GRIN2D: variants seen among roughly 807,000 people sequenced by gnomAD.
The protein encoded by GRIN2D is glutamate ionotropic receptor NMDA type subunit 2D.
A neutral mutation model predicts 103.2 loss-of-function variants in GRIN2D; 37 were observed. The ratio of observed to expected loss-of-function variants is 0.36; its 90% CI spans 0.28 to 0.47. The LOEUF (loss-of-function observed/expected upper bound fraction) is 0.47. Ranked by LOEUF, GRIN2D falls within the 20% of genes least tolerant of loss-of-function variation. GRIN2D has a pLI of 1.00. For missense variants in GRIN2D, 1,557 were observed against 1,910.6 expected, an observed-to-expected ratio of 0.81 and a Z score of 3.45; for synonymous variants, 845 against 885.6, an observed-to-expected ratio of 0.95 and a Z score of 0.81.
Position 48,442,470 on chromosome 19 carries a change from G to C in GRIN2D, c.2673+88G>C. 1 of 1,536,974 alleles carries C rather than the reference G, an allele frequency of 6.5e-7. No individual in the cohort carries two copies. Among genetic ancestry groups the C allele is most frequent in the South Asian group, 1.2e-5 (1 of 85,120 alleles). Reference sequence around the variant, plus strand: ...GAGCAGAGACAAGGAGATGTGGGTCGAGATGTGGATAGTGGGGAAGAGAGC... The same window carrying C: ...GAGCAGAGACAAGGAGATGTGGGTCCAGATGTGGATAGTGGGGAAGAGAGC... On this transcript the variant is annotated intron_variant, in intron 13 of 13. Transcript: ENST00000263269. The surrounding 1 kb of genome is among the most constrained non-coding windows in gnomAD (Gnocchi z 7.2).
intron 11 of GRIN2D, 141 bp from the exon 12 acceptor site, chr19:48,441,628 G>A (rs1320033425): frequency 3.2e-6 from 2 of 622,750 alleles, no homozygotes; most frequent in African/African-American, 3.7e-5. Context: ...CTGAGGCACT[G>A]AGAAGTGCAA....
At chr19:48,403,426 T>A (rs957381014) in intron 3 of GRIN2D, among the ~76,000 whole-genome samples, 9 of 152,226 alleles carry the variant, frequency 5.9e-5, no homozygotes, top group African/African-American at 2.2e-4. Flanking sequence ...AACTAAGTTT[T>A]AAATTCTATT....
chr19:48,442,460 G>A lies in GRIN2D; in HGVS notation c.2673+78G>A. The A allele has an allele frequency of 6.5e-7, 1 of 1,542,018 alleles. No individual in the cohort carries two copies. Among genetic ancestry groups the A allele is most frequent in the Non-Finnish European group, 8.8e-7 (1 of 1,137,812 alleles). On this transcript the variant is annotated intron_variant, in intron 13 of 13. Coordinates refer to ENST00000263269, the MANE Select transcript of GRIN2D (RefSeq NM_000836.4). This position sits in a 1 kb window ranked among gnomAD's most constrained non-coding sequence, Gnocchi z 7.2. ...AGGTAAAGCCGAGCAGAGACAAGGA[G>A]ATGTGGGTCGAGATGTGGATAGTGG... is the stretch of plus-strand genomic sequence containing the variant.
In GRIN2D at chr19:48,394,091, G is replaced by A. The variant is rs558888091; in HGVS notation, c.-306+223G>A. Among the ~76,000 whole-genome samples, 13 of 152,198 alleles carry A rather than the reference G, an allele frequency of 8.5e-5. No homozygotes were observed. Among genetic ancestry groups the A allele is most frequent in the African/African-American group, 2.2e-4 (9 of 41,528 alleles). On this transcript the variant is annotated intron_variant, in intron 1 of 13. Coordinates refer to ENST00000263269, the MANE Select transcript of GRIN2D (RefSeq NM_000836.4). This position sits in a 1 kb window ranked among gnomAD's most constrained non-coding sequence, Gnocchi z 5.1. ...GCCTCCTGCCTGCGTCCGGCCAGGC[G>A]TCTGGGCGTCCCCGGCTGCCTGTGT...
In GRIN2D at chr19:48,442,852, G is replaced by A; in HGVS notation, c.2926G>A (p.Gly976Ser). Residue 976 changes from glycine (G) to serine (S), a missense_variant, in exon 14 of 14, where the codon GGC (glycine) becomes AGC (serine). Coordinates refer to ENST00000263269, the MANE Select transcript of GRIN2D (RefSeq NM_000836.4). This position sits in a 1 kb window ranked among gnomAD's most constrained non-coding sequence, Gnocchi z 7.2. ...CATCGAGCCGCAGGGCCTAGGCCTC[G>A]GCCTGGGCGAAGCGCGCGCGGCACC... ...GPIEPQGLGLGLGEARAAPRG... is the reference protein window; with the variant it reads ...GPIEPQGLGLSLGEARAAPRG... 1.5e-5 allele frequency: 16 copies of A among 1,081,378 alleles called. No homozygotes were observed. Among genetic ancestry groups the A allele is most frequent in the Non-Finnish European group, 1.8e-5 (16 of 893,894 alleles). The allele number at this position is 1,081,378 out of a possible 1,614,324, so 67.0% of individuals were successfully genotyped here.
intron 11 of GRIN2D, among the ~76,000 whole-genome samples, chr19:48,431,608 G>C (rs1359239157): frequency 6.7e-6 from 1 of 148,704 alleles, no homozygotes; most frequent in Non-Finnish European, 1.5e-5. Context: ...TTTTGAGACG[G>C]AGTTTCACTC....
intron 3 of GRIN2D, among the ~76,000 whole-genome samples, chr19:48,400,783 C>T (rs375603652): frequency 3.0e-4 from 45 of 152,216 alleles, no homozygotes; most frequent in African/African-American, 9.9e-4. Flanking sequence ...ACCTCATTTC[C>T]GGCCAGGTGC....
chr19:48,402,158 A>AAGAAAGAG (rs1970722706), intron 3 of GRIN2D, among the ~76,000 whole-genome samples: 1 of 68,224 alleles, frequency 1.5e-5, no homozygotes, highest in Non-Finnish European at 2.9e-5. Flanking sequence ...GAAAGAAAGA[A>AAGAAAGAG]AGAAAGAAAG....
At chr19:48,408,677 G>C (rs1015506942) in intron 4 of GRIN2D, among the ~76,000 whole-genome samples, 1 of 151,344 alleles carries the variant, frequency 6.6e-6, no homozygotes, top group Non-Finnish European at 1.5e-5. Context: ...AAACTTAGCC[G>C]GGCGTGGTGA....
In GRIN2D at chr19:48,416,617, G is replaced by A. The variant is rs530094820; in HGVS notation, c.1735+462G>A. 2.6e-5 allele frequency among the ~76,000 whole-genome samples: 4 copies of A among 152,294 alleles called. No individual in the cohort carries two copies. The East Asian group carries it at 7.7e-4, about 29-fold the overall frequency. On this transcript the variant is annotated intron_variant, in intron 8 of 13. Transcript: ENST00000263269. ...TCAGTGTTTACTGAGCATCTACTATGTGCCAGGTGGTGGGCTCCACACTGG... is the reference window on the plus strand; with the variant it reads ...TCAGTGTTTACTGAGCATCTACTATATGCCAGGTGGTGGGCTCCACACTGG...
chr19:48,442,731 C>G lies in GRIN2D; in HGVS notation c.2805C>G (p.Arg935=). The G allele has an allele frequency of 7.2e-6, 8 of 1,110,760 alleles. No homozygotes were observed. The highest frequency in any genetic ancestry group is 8.8e-6 in the Non-Finnish European group (8 of 909,800). The allele number at this position is 1,110,760 out of a possible 1,614,324, so 68.8% of individuals were successfully genotyped here. The change falls in exon 14 of 14, where the codon CGC becomes CGG. Residue 935 remains arginine, a synonymous_variant. Transcript: ENST00000263269. This position sits in a 1 kb window ranked among gnomAD's most constrained non-coding sequence, Gnocchi z 7.2. The part of the protein sequence containing the change: ...PAPGPAPFVP[R]ERASVDRWRR... ...CCGGGCCCGCACCTTTCGTGCCCCG[C>G]GAGCGCGCCTCAGTGGACCGCTGGC... is the stretch of plus-strand genomic sequence containing the variant.
Position 48,442,469 on chromosome 19 carries a change from C to G in GRIN2D, c.2673+87C>G, listed in dbSNP as rs192025027. On this transcript the variant is annotated intron_variant, in intron 13 of 13. Coordinates refer to ENST00000263269, the MANE Select transcript of GRIN2D (RefSeq NM_000836.4). The surrounding 1 kb of genome is among the most constrained non-coding windows in gnomAD (Gnocchi z 7.2). ...CGAGCAGAGACAAGGAGATGTGGGT[C>G]GAGATGTGGATAGTGGGGAAGAGAG... 364 of 1,534,026 alleles carry G rather than the reference C, an allele frequency of 2.4e-4. 4 individuals are homozygous for G. The African/African-American group carries it at 4.2e-3, about 18-fold the overall frequency.
rs561076427 is a variant in GRIN2D at position 48,435,342 on chromosome 19, T to C, written c.2253-6427T>C. Among the ~76,000 whole-genome samples the C allele has an allele frequency of 3.1e-3, 465 of 150,966 alleles. 2 individuals carry two copies. The highest frequency in any genetic ancestry group is 5.6e-3 in the Non-Finnish European group (381 of 67,750). The stretch of plus-strand genomic sequence containing the variant: ...AGACGGAGTCTTGCTCTTGCTCCAT[T>C]GCCCGGGCACCATCTCAGCTCACTG... On this transcript the variant is annotated intron_variant, in intron 11 of 13. Coordinates refer to ENST00000263269, the MANE Select transcript of GRIN2D (RefSeq NM_000836.4).
At chr19:48,402,799 A>AGAGAGG (rs1569059456) in intron 3 of GRIN2D, among the ~76,000 whole-genome samples, 15 of 139,208 alleles carry the variant, frequency 1.1e-4, no homozygotes, top group Non-Finnish European at 3.1e-5. Context: ...AGAGAGAGAG[A>AGAGAGG]GAGAGAATAG....
In GRIN2D at chr19:48,394,190, T is replaced by C. The variant is rs1488268644; in HGVS notation, c.-306+322T>C. ...CATTAGACCCCCCACTCTGTGTGTG[T>C]GTGTCTGTGTGTGTGTCCCTCCTCA... On this transcript the variant is annotated intron_variant, in intron 1 of 13. Transcript: ENST00000263269. The surrounding 1 kb of genome is among the most constrained non-coding windows in gnomAD (Gnocchi z 5.1). Among the ~76,000 whole-genome samples the C allele has an allele frequency of 6.7e-6, 1 of 148,838 alleles. No homozygotes were observed. Among genetic ancestry groups the C allele is most frequent in the African/African-American group, 2.4e-5 (1 of 41,126 alleles).
At chr19:48,420,823 A>C (rs1428705468) in intron 10 of GRIN2D, among the ~76,000 whole-genome samples, 2 of 152,168 alleles carry the variant, frequency 1.3e-5, no homozygotes, top group Non-Finnish European at 2.9e-5. Context: ...TGACAGAGCG[A>C]GACTCTGCCT....
At chr19:48,403,048 A>G (rs1366805095) in intron 3 of GRIN2D, among the ~76,000 whole-genome samples, 1 of 151,908 alleles carries the variant, frequency 6.6e-6, no homozygotes, top group Non-Finnish European at 1.5e-5. Flanking sequence ...AAAATACAAA[A>G]ATTAGCTGGG....
At position 48,421,369 on chromosome 19, in the gene GRIN2D, A is replaced by C. The variant is rs374418985; in HGVS notation, c.2092-416A>C. ...GTTGAACCTGGGAGGCGGAGGTTGC[A>C]GTGAGCTGACAGTGTGCCATTGCAC... On this transcript the variant is annotated intron_variant, in intron 10 of 13. Coordinates refer to ENST00000263269, the MANE Select transcript of GRIN2D (RefSeq NM_000836.4). The surrounding 1 kb of genome is among the most constrained non-coding windows in gnomAD (Gnocchi z 4.8). Among the ~76,000 whole-genome samples, 16 of 152,026 alleles carry C rather than the reference A, an allele frequency of 1.1e-4. No individual in the cohort carries two copies. The highest frequency in any genetic ancestry group is 5.8e-4 in the East Asian group (3 of 5,182).
At position 48,442,082 on chromosome 19, in the gene GRIN2D, T is replaced by C. The variant is rs1241247958; in HGVS notation, c.2441-68T>C. 5 of 1,532,124 alleles carry C rather than the reference T, an allele frequency of 3.3e-6. No individual in the cohort carries two copies. In the Admixed American group the frequency reaches 6.7e-5, roughly 21 times the overall value. 94.9% of individuals were successfully genotyped at this position (1,532,124 alleles called of 1,614,324 possible). A position where few individuals can be genotyped will look rare whatever the true frequency, so the allele number is the denominator to read the frequency against. On this transcript the variant is annotated intron_variant, in intron 12 of 13. Transcript: ENST00000263269. The surrounding 1 kb of genome is among the most constrained non-coding windows in gnomAD (Gnocchi z 7.2). ...GGAGGAAGGGGCTAAGGGCCTACAT[T>C]CCCACATCACAGACAAGGGTCCTCA...
Sources: allele counts gnomAD v4.1 joint callset (sites outside exome capture counted in the v4.1 genomes callset), GRCh38; gene constraint gnomAD v4.1.1; non-coding constraint Gnocchi (gnomAD v3.1); transcripts MANE v1.5; gene names NCBI Gene and HGNC (gene_info 2026-07-23, HGNC 2026-07-21).